The following ADGRL3 variants were observed in gnomAD, a reference collection of about 807,000 sequenced individuals.
ADGRL3 encodes adhesion G protein-coupled receptor L3.
In ADGRL3, 62 loss-of-function variants were observed where a neutral mutation model predicts 153.5. The observed-to-expected ratio is 0.40, with a 90% CI of 0.33 to 0.50. The LOEUF is 0.50. ADGRL3 is among the 20% of genes least tolerant of loss of function. The pLI, the probability that ADGRL3 is intolerant of heterozygous loss-of-function variation, is 0.47. For missense variants in ADGRL3, 1,641 were observed against 1,859.4 expected, an observed-to-expected ratio of 0.88 and a Z score of 2.16; for synonymous variants, 710 against 672.5, an observed-to-expected ratio of 1.06 and a Z score of -0.86.
At chr4:61,462,408 A>G (rs1166668490) in intron 2 of ADGRL3, among the ~76,000 whole-genome samples, 1 of 152,174 alleles carries the variant, frequency 6.6e-6, no homozygotes, top group Non-Finnish European at 1.5e-5. Context: ...GTAAGAAGTC[A>G]GAGTTTGAGG....
In ADGRL3 at chr4:61,713,646, A is replaced by G. The variant is rs181054599; in HGVS notation, c.584-16976A>G. ...TTTCTACTCCTTTACATTATACTGA[A>G]CTAACGATGATTTTTCAAAGTTCCT... On this transcript the variant is annotated intron_variant, in intron 6 of 26. Transcript: ENST00000683033. Among the ~76,000 whole-genome samples, 548 of 152,156 alleles carry G rather than the reference A, an allele frequency of 3.6e-3. 4 individuals carry two copies. Among genetic ancestry groups the G allele is most frequent in the African/African-American group, 0.012 (496 of 41,550 alleles).
chr4:61,401,320 C>T (rs924112639), intron 2 of ADGRL3, among the ~76,000 whole-genome samples: 1 of 151,792 alleles, frequency 6.6e-6, no homozygotes, highest in African/African-American at 2.4e-5. Context: ...CTGATCACTA[C>T]AGACAAAATA....
chr4:61,838,885 A>C (rs1377942486), intron 9 of ADGRL3, among the ~76,000 whole-genome samples: 1 of 152,196 alleles, frequency 6.6e-6, no homozygotes, highest in African/African-American at 2.4e-5. Flanking sequence ...TTCTTTGTGT[A>C]AGTGCCTAGA....
chr4:61,459,177 C>A (rs1578983158), intron 2 of ADGRL3, among the ~76,000 whole-genome samples: 1 of 151,586 alleles, frequency 6.6e-6, no homozygotes, highest in East Asian at 1.9e-4. Flanking sequence ...TTCTTGTATT[C>A]CATTCATTTG....
intron 1 of ADGRL3, among the ~76,000 whole-genome samples, chr4:61,347,526 A>G (rs2095945398): frequency 6.6e-6 from 1 of 152,104 alleles, no homozygotes. Flanking sequence ...GAAGAAAGCA[A>G]ATGCAATGTA....
At chr4:61,715,319 G>A (rs1008587678) in intron 6 of ADGRL3, among the ~76,000 whole-genome samples, 4 of 152,100 alleles carry the variant, frequency 2.6e-5, no homozygotes, top group African/African-American at 9.7e-5. Flanking sequence ...TTTAAAAGCA[G>A]GCTGAAAACG....
At chr4:61,789,588 TA>T (rs2097317526) in intron 8 of ADGRL3, among the ~76,000 whole-genome samples, 1 of 152,200 alleles carries the variant, frequency 6.6e-6, no homozygotes, top group Non-Finnish European at 1.5e-5. Context: ...TATATGCTAG[TA>T]ATAGGAAACT....
At chr4:61,694,304 C>T (rs556462241) in intron 6 of ADGRL3, among the ~76,000 whole-genome samples, 17 of 144,028 alleles carry the variant, frequency 1.2e-4, no homozygotes, top group Admixed American at 2.2e-4. Flanking sequence ...TTCAAAGTAT[C>T]GGGATTACAT....
chr4:61,745,459 G>A (rs189352641), intron 8 of ADGRL3, among the ~76,000 whole-genome samples: 13,151 of 152,098 alleles, frequency 0.086, 1,193 homozygotes, highest in African/African-American at 0.23. Flanking sequence ...CAGCCAGAAA[G>A]AAAGGCAGGG....
chr4:61,664,003 C>G (rs1421875749), intron 5 of ADGRL3, among the ~76,000 whole-genome samples: 1 of 152,140 alleles, frequency 6.6e-6, no homozygotes, highest in Non-Finnish European at 1.5e-5. Flanking sequence ...CCTATAGCAA[C>G]TGAATAGATG....
At chr4:61,351,277 T>A (rs4860091) in intron 1 of ADGRL3, among the ~76,000 whole-genome samples, 73,286 of 151,998 alleles carry the variant, frequency 0.48, 19,899 homozygotes, top group East Asian at 0.68. Flanking sequence ...GAAGAAAAGT[T>A]TGAAACTAGC....
At chr4:61,491,857 G>A (rs1025701539) in intron 2 of ADGRL3, among the ~76,000 whole-genome samples, 1 of 152,002 alleles carries the variant, frequency 6.6e-6, no homozygotes, top group African/African-American at 2.4e-5. Flanking sequence ...TATGGAGAAG[G>A]CTTGTTTTGA....
intron 1 of ADGRL3, among the ~76,000 whole-genome samples, chr4:61,228,301 A>G (rs1050454973): frequency 3.9e-5 from 6 of 152,218 alleles, no homozygotes; most frequent in African/African-American, 1.4e-4. Flanking sequence ...AAGGAATATC[A>G]TTACTATTTT....
chr4:61,349,245 G>A (rs1489787612), intron 1 of ADGRL3, among the ~76,000 whole-genome samples: 1 of 151,986 alleles, frequency 6.6e-6, no homozygotes, highest in Non-Finnish European at 1.5e-5. Context: ...TTATATTGGT[G>A]TTCAGAAATG....
intron 17 of ADGRL3, among the ~76,000 whole-genome samples, chr4:61,965,816 A>G (rs2099004446): frequency 6.6e-6 from 1 of 152,154 alleles, no homozygotes; most frequent in South Asian, 2.1e-4. Flanking sequence ...GCCTATCTTG[A>G]TAAGTACAAT....
At chr4:61,739,606 G>A (rs536443649) in intron 8 of ADGRL3, among the ~76,000 whole-genome samples, 3 of 152,298 alleles carry the variant, frequency 2.0e-5, no homozygotes, top group Non-Finnish European at 4.4e-5. Flanking sequence ...GATACTAGGT[G>A]AATAGGAGTA....
chr4:61,402,666 G>C (rs894129512), intron 2 of ADGRL3, among the ~76,000 whole-genome samples: 1 of 152,024 alleles, frequency 6.6e-6, no homozygotes, highest in Non-Finnish European at 1.5e-5. Flanking sequence ...GGTATGTCAG[G>C]TTCTTTTCCT....
chr4:62,017,907 G>A lies in ADGRL3; in HGVS notation c.3396-10948G>A, dbSNP rs184414621. On this transcript the variant is annotated intron_variant, in intron 21 of 26. Transcript: ENST00000683033. ...TTTTTTCTTGTTTCTATTTTGAGATGGAGTCTCGCTCTGTCACCCAGGCTG... is the reference window on the plus strand; with the variant it reads ...TTTTTTCTTGTTTCTATTTTGAGATAGAGTCTCGCTCTGTCACCCAGGCTG... Among the ~76,000 whole-genome samples the A allele has an allele frequency of 7.4e-4, 112 of 152,058 alleles. 1 individual carries two copies. In the East Asian group the frequency reaches 0.02, roughly 27 times the overall value.
chr4:62,054,731 A>G (rs1459478545), intron 25 of ADGRL3, among the ~76,000 whole-genome samples: 1 of 151,646 alleles, frequency 6.6e-6, no homozygotes, highest in East Asian at 1.9e-4. Flanking sequence ...ATAAAAAACA[A>G]AATGCTAGTG....
Sources: allele counts gnomAD v4.1 joint callset (sites outside exome capture counted in the v4.1 genomes callset), GRCh38; gene constraint gnomAD v4.1.1; transcripts MANE v1.5; gene names NCBI Gene and HGNC (gene_info 2026-07-23, HGNC 2026-07-21).